Variants in NISCH observed in about 807,000 individuals in gnomAD.
NISCH encodes the protein I-1 receptor candidate protein.
NISCH carries 55 observed loss-of-function variants against 138.4 expected under a neutral mutation model. The observed-to-expected ratio is 0.40, with a 90% confidence interval of 0.32 to 0.50. The LOEUF is 0.50. NISCH is among the 20% of genes least tolerant of loss of function. The pLI is 0.71. For missense variants in NISCH, 1,643 were observed against 2,005.5 expected (o/e 0.82, Z 3.45); for synonymous variants, 860 against 861.5 (o/e 1.00, Z 0.03).
intron 3 of NISCH, among the ~76,000 whole-genome samples, chr3:52,464,517 C>CTTTTGTTT (rs1706726235): frequency 1.3e-5 from 1 of 75,808 alleles, no homozygotes; most frequent in African/African-American, 5.4e-5. Context: ...TGTGAGTTGT[C>CTTTTGTTT]TTTTTTTTTT....
intron 3 of NISCH, among the ~76,000 whole-genome samples, chr3:52,462,895 C>T (rs1706676908): frequency 6.6e-6 from 1 of 152,182 alleles, no homozygotes; most frequent in South Asian, 2.1e-4. Context: ...CTCAGCCTCC[C>T]AAAGTGCTGG....
chr3:52,476,240 A>G, intron 7 of NISCH: 4 of 587,504 alleles, frequency 6.8e-6, no homozygotes. Flanking sequence ...ACTTAATTCT[A>G]AGTGGCTGTT....
chr3:52,479,630 C>G (rs1707209481), intron 11 of NISCH, 119 bp from the exon 12 acceptor site: 1 of 759,858 alleles, frequency 1.3e-6, no homozygotes, highest in Non-Finnish European at 2.2e-6. Flanking sequence ...TCCTCCTCAG[C>G]AGAGCCCTAC....
Position 52,490,084 on chromosome 3 carries a change from G to A in NISCH, c.3466G>A (p.Glu1156Lys). The A allele has an allele frequency of 1.9e-6, 3 of 1,613,558 alleles. No individual in the cohort carries two copies. Among genetic ancestry groups the A allele is most frequent in the Non-Finnish European group, 1.7e-6 (2 of 1,180,002 alleles). The part of the protein sequence containing the change: ...FHSSIAEVEN[E>K]ELRHLMWSSV... ...GGCCCCCCGTCTTCAGGTTGAAAAC[G>A]AGGAGCTGAGGCACCTCATGTGGTC... is the stretch of plus-strand genomic sequence containing the variant. Residue 1156 changes from glutamate to lysine, a missense_variant, in exon 18 of 21, where the codon GAG becomes AAG. Coordinates refer to ENST00000345716, the MANE Select transcript of NISCH (RefSeq NM_007184.4).
chr3:52,461,858 G>A (rs1205279499), intron 3 of NISCH, among the ~76,000 whole-genome samples: 5 of 144,652 alleles, frequency 3.5e-5, no homozygotes, highest in South Asian at 2.2e-4. Flanking sequence ...GCAAGACTCC[G>A]TCACAAAAAA....
chr3:52,488,625 T>C lies in NISCH; in HGVS notation c.3113+20T>C, dbSNP rs962627430. 3 of 1,587,530 alleles carry C rather than the reference T, an allele frequency of 1.9e-6. No individual in the cohort carries two copies. The highest frequency in any genetic ancestry group is 2.6e-6 in the Non-Finnish European group (3 of 1,164,132). On this transcript the variant is annotated intron_variant, in intron 16 of 20. Coordinates refer to ENST00000345716, the MANE Select transcript of NISCH (RefSeq NM_007184.4). ...GGCCAGGTGAGATCAAGCACAGCTC[T>C]CAGGGGCCCCGGGGGCATGGGTCTG...
At chr3:52,460,186 CAAAAAAAAAAAAAAAA>C (rs60865450) in intron 3 of NISCH, among the ~76,000 whole-genome samples, 1 of 56,194 alleles carries the variant, frequency 1.8e-5, no homozygotes, top group Non-Finnish European at 3.0e-5. Context: ...GACTTCATCT[CAAAAAAAAAAAAAAAA>C]AAAAAAAAAA....
intron 13 of NISCH, chr3:52,481,045 G>A: frequency 1.5e-6 from 2 of 1,364,636 alleles, no homozygotes; most frequent in Non-Finnish European, 1.9e-6. Context: ...TTGGTGTGAG[G>A]TCTTGGGAAA....
At chr3:52,465,175 G>C (rs1266623475) in intron 3 of NISCH, among the ~76,000 whole-genome samples, 3 of 152,112 alleles carry the variant, frequency 2.0e-5, no homozygotes, top group African/African-American at 7.2e-5. Context: ...TATTGCCTAG[G>C]CTGGAGTGCA....
At chr3:52,490,560 A>C in intron 18 of NISCH, 145 bp from the exon 19 acceptor site, 1 of 1,135,978 alleles carries the variant, frequency 8.8e-7, no homozygotes, top group South Asian at 1.5e-5. Flanking sequence ...AGAGGCTCCG[A>C]CTCCAGAGGG....
At chr3:52,457,001 C>T (rs1416053254) in intron 1 of NISCH, among the ~76,000 whole-genome samples, 4 of 152,210 alleles carry the variant, frequency 2.6e-5, no homozygotes, top group African/African-American at 9.7e-5. Flanking sequence ...CCCTACCATC[C>T]TCTGTCTCCG....
chr3:52,481,242 A>C (rs548395329), intron 13 of NISCH: 7 of 1,097,272 alleles, frequency 6.4e-6, no homozygotes, highest in Non-Finnish European at 7.8e-6. Context: ...GCTGTGGTGC[A>C]GAATGCTCAG....
intron 12 of NISCH, 121 bp from the exon 13 acceptor site, chr3:52,480,063 G>A: frequency 8.6e-7 from 1 of 1,166,234 alleles, no homozygotes; most frequent in Non-Finnish European, 1.3e-6. Flanking sequence ...CTAAGGATAT[G>A]ATGAGACCAT....
chr3:52,488,457 C>T lies in NISCH; in HGVS notation c.2965C>T (p.His989Tyr). The T allele has an allele frequency of 1.9e-6, 3 of 1,613,688 alleles. No homozygotes were observed. The highest frequency in any genetic ancestry group is 2.5e-6 in the Non-Finnish European group (3 of 1,180,004). Residue 989 changes from histidine (H) to tyrosine (Y), a missense_variant, in exon 16 of 21, where the codon CAC (histidine) becomes TAC (tyrosine). By Grantham distance (83) the His-to-Tyr change is moderately conservative. Coordinates refer to ENST00000345716, the MANE Select transcript of NISCH (RefSeq NM_007184.4). ...RFVTAIFVLP[H>Y]EKFHFLRVYN... Reference sequence around the variant, plus strand: ...TGTCACTGCCATCTTCGTGCTGCCCCACGAGAAGTTCCACTTCCTGCGCGT... The same window carrying T: ...TGTCACTGCCATCTTCGTGCTGCCCTACGAGAAGTTCCACTTCCTGCGCGT...
intron 11 of NISCH, 71 bp downstream of exon 11, chr3:52,478,648 G>A (rs1465704980): frequency 1.4e-6 from 2 of 1,385,504 alleles, no homozygotes. Context: ...TGGGCGGTAG[G>A]GGGATATATG....
chr3:52,477,110 A>T (rs1410089088), intron 8 of NISCH, among the ~76,000 whole-genome samples: 1 of 152,224 alleles, frequency 6.6e-6, no homozygotes, highest in Non-Finnish European at 1.5e-5. Context: ...TAATAATTTC[A>T]TGTAAATTTG....
chr3:52,481,722 A>T, intron 13 of NISCH: 2 of 985,584 alleles, frequency 2.0e-6, no homozygotes, highest in Non-Finnish European at 2.4e-6. Context: ...CCATGTCCCC[A>T]GGCTGCAGCT....
At position 52,483,184 on chromosome 3, in the gene NISCH, C is replaced by T. The variant is rs139000651; in HGVS notation, c.1529-1329C>T. 3.6e-3 allele frequency among the ~76,000 whole-genome samples: 553 copies of T among 152,316 alleles called. 4 individuals are homozygous for T. The highest frequency in any genetic ancestry group is 0.019 in the South Asian group (90 of 4,828). On this transcript the variant is annotated intron_variant, in intron 13 of 20. Coordinates refer to ENST00000345716, the MANE Select transcript of NISCH (RefSeq NM_007184.4). ...CCTGCCTGCCTACCCCCTGCTGCTT[C>T]GCTTCGTGGGGGCGTTTGAGCTTGG... is the stretch of plus-strand genomic sequence containing the variant.
In NISCH at chr3:52,462,881, C is replaced by T. The variant is rs184183056; in HGVS notation, c.360+4037C>T. ...TCAAACGCTTGACCTCGTGATCCAC[C>T]TGCCTCAGCCTCCCAAAGTGCTGGG... On this transcript the variant is annotated intron_variant, in intron 3 of 20. Transcript: ENST00000345716. Among the ~76,000 whole-genome samples the T allele has an allele frequency of 5.7e-3, 862 of 152,314 alleles. 10 individuals carry two copies. Among genetic ancestry groups the T allele is most frequent in the African/African-American group, 0.02 (827 of 41,568 alleles).
Sources: allele counts gnomAD v4.1 joint callset (sites outside exome capture counted in the v4.1 genomes callset), GRCh38; gene constraint gnomAD v4.1.1; transcripts MANE v1.5; gene names NCBI Gene and HGNC (gene_info 2026-07-23, HGNC 2026-07-21).